Variants in SERINC3 observed in about 807,000 individuals in gnomAD.
SERINC3 encodes serine incorporator 3.
A neutral mutation model predicts 52.1 loss-of-function variants in SERINC3; 22 were observed. That is an observed-to-expected ratio of 0.42 (90% confidence interval 0.30 to 0.60). SERINC3 has a LOEUF of 0.60. Ranked by LOEUF, SERINC3 falls within the 20% of genes least tolerant of loss-of-function variation. The probability of loss-of-function intolerance (pLI) is 0.16; values close to 1 mark genes in which losing one functional copy is unlikely to be tolerated. For synonymous variants in SERINC3, 226 were observed against 212.7 expected, an observed-to-expected ratio of 1.06 and a Z score of -0.54; for missense variants, 564 against 584.6, an observed-to-expected ratio of 0.96 and a Z score of 0.36.
At chr20:44,502,015 T>C (rs2064283002) in intron 8 of SERINC3, among the ~76,000 whole-genome samples, 1 of 152,096 alleles carries the variant, frequency 6.6e-6, no homozygotes, top group Non-Finnish European at 1.5e-5. Flanking sequence ...AACCCAGAGC[T>C]AACATCATAC....
rs749603490 is a variant in SERINC3 at position 44,506,907 on chromosome 20, T to C, written c.703A>G (p.Thr235Ala). Residue 235 changes from threonine (T) to alanine (A), a missense_variant, in exon 6 of 10, where the codon ACA becomes GCA. Coordinates refer to ENST00000342374, the MANE Select transcript of SERINC3 (RefSeq NM_006811.4). ...ATACTGATGAAGAACTTGTTTTCTG[T>C]GCAGCCATCTGGTTTGGTGTAATAT... Reference protein sequence around the residue: ...YTYYTKPDGCTENKFFISINL... With the variant: ...YTYYTKPDGCAENKFFISINL... The C allele has an allele frequency of 4.0e-5, 65 of 1,613,696 alleles. No individual in the cohort carries two copies. The highest frequency in any genetic ancestry group is 6.7e-5 in the Admixed American group (4 of 59,940).
At position 44,506,894 on chromosome 20, in the gene SERINC3, A is replaced by C; in HGVS notation, c.716T>G (p.Phe239Cys). Residue 239 changes from phenylalanine (F) to cysteine (C), a missense_variant, in exon 6 of 10, where the codon TTC (phenylalanine) becomes TGC (cysteine). Coordinates refer to ENST00000342374, the MANE Select transcript of SERINC3 (RefSeq NM_006811.4). ...TKPDGCTENK[F>C]FISINLILCV... ...AAGGATCAGGTTAATACTGATGAAG[A>C]ACTTGTTTTCTGTGCAGCCATCTGG... is the stretch of plus-strand genomic sequence containing the variant. The C allele has an allele frequency of 6.2e-7, 1 of 1,613,798 alleles. No individual in the cohort carries two copies. The highest frequency in any genetic ancestry group is 8.5e-7 in the Non-Finnish European group (1 of 1,179,886).
At chr20:44,511,181 T>G in intron 4 of SERINC3, 108 bp downstream of exon 4, 2 of 753,752 alleles carry the variant, frequency 2.7e-6, no homozygotes, top group South Asian at 1.7e-5. Flanking sequence ...CCCAAAGTGC[T>G]GAGCTTACAG....
At chr20:44,496,893 C>T (rs1159425920), downstream of SERINC3, among the ~76,000 whole-genome samples, 1 of 152,176 alleles carries the variant, frequency 6.6e-6, no homozygotes, top group Non-Finnish European at 1.5e-5. Context: ...TACTGAGAAC[C>T]AGGTCCATGG....
At chr20:44,509,843 G>A (rs539718622) in intron 5 of SERINC3, 48 bp downstream of exon 5, 34 of 1,589,294 alleles carry the variant, frequency 2.1e-5, no homozygotes, top group South Asian at 8.9e-5. Flanking sequence ...ATTGTACACC[G>A]TGCTTAATGT....
At position 44,500,146 on chromosome 20, in the gene SERINC3, T is replaced by C; in HGVS notation, c.*150A>G. On this transcript the variant is annotated 3_prime_UTR_variant, in exon 10 of 10. Coordinates refer to ENST00000342374, the MANE Select transcript of SERINC3 (RefSeq NM_006811.4). ...AGTTTCGATTCTGCATCAAGCATTA[T>C]TCAATCTCACCTTCTGATATAAACC... 3 of 784,522 alleles carry C rather than the reference T, an allele frequency of 3.8e-6. No homozygotes were observed. In the South Asian group the frequency reaches 6.0e-5, roughly 16 times the overall value. The allele number at this position is 784,522 out of a possible 1,614,324, so 48.6% of individuals were successfully genotyped here. A position where few individuals can be genotyped will look rare whatever the true frequency, so the allele number is the denominator to read the frequency against.
Position 44,503,958 on chromosome 20 carries a change from T to TTTAC in SERINC3, c.911_912insGTAA (p.Arg305Ter). 1 of 1,600,224 alleles carries TTTAC rather than the reference T, an allele frequency of 6.2e-7. No homozygotes were observed. The highest frequency in any genetic ancestry group is 8.5e-7 in the Non-Finnish European group (1 of 1,175,940). Reference sequence around the variant, plus strand: ...GAGCCAGGGTTGGTGCAGTTATGCGTGTAATAAAGCTCATCAGGTTGGGAT... The same window carrying TTTAC: ...GAGCCAGGGTTGGTGCAGTTATGCGTTTACGTAATAAAGCTCATCAGGTTGGGAT... On this transcript the variant is annotated stop_gained and frameshift_variant, in exon 8 of 10. Transcript: ENST00000342374. LOFTEE classifies it high-confidence loss of function.
At chr20:44,509,016 AT>A (rs1394539724) in intron 5 of SERINC3, among the ~76,000 whole-genome samples, 3 of 152,278 alleles carry the variant, frequency 2.0e-5, no homozygotes, top group African/African-American at 7.2e-5. Flanking sequence ...TACTGAAAGC[AT>A]TTTAAAATAT....
In SERINC3 at chr20:44,512,222, A is replaced by G. The variant is rs2064351838; in HGVS notation, c.395+579T>C. Among the ~76,000 whole-genome samples the G allele has an allele frequency of 1.3e-5, 2 of 151,522 alleles. 1 individual carries two copies. The highest frequency in any genetic ancestry group is 4.2e-4 in the South Asian group (2 of 4,768). On this transcript the variant is annotated intron_variant, in intron 3 of 9. Coordinates refer to ENST00000342374, the MANE Select transcript of SERINC3 (RefSeq NM_006811.4). ...CAGCTACTAGGGAGGCTGAGGCAGGAGAATCACTTGAACCCGGGAGGGGGA... is the reference window on the plus strand; with the variant it reads ...CAGCTACTAGGGAGGCTGAGGCAGGGGAATCACTTGAACCCGGGAGGGGGA...
In SERINC3 at chr20:44,511,368, C is replaced by T. The variant is rs1267885685; in HGVS notation, c.396G>A (p.Gly132=). 1 of 1,602,938 alleles carries T rather than the reference C, an allele frequency of 6.2e-7. No homozygotes were observed. ...GGGCAGCAATTTTGAAGAACCAAAA[C>T]CTATTAAAATATAAAAATGCATTTA... ...SKDLRAAVHN[G]FWFFKIAALI... The change falls in exon 4 of 10, where the codon GGG becomes GGA. Residue 132 remains glycine (G), a splice_region_variant and synonymous_variant. Transcript: ENST00000342374.
At chr20:44,518,448 G>A (rs2123073780) in intron 1 of SERINC3, among the ~76,000 whole-genome samples, 1 of 151,182 alleles carries the variant, frequency 6.6e-6, no homozygotes, top group African/African-American at 2.4e-5. Flanking sequence ...TCTCTTATCT[G>A]ACTAAAAGCA....
At position 44,513,976 on chromosome 20, in the gene SERINC3, G is replaced by A; in HGVS notation, c.104C>T (p.Ser35Phe). The change falls in exon 2 of 10, where the codon TCC (serine) becomes TTC (phenylalanine). Residue 35 changes from serine to phenylalanine, a missense_variant. By Grantham distance (155) the Ser-to-Phe change is radical. Coordinates refer to ENST00000342374, the MANE Select transcript of SERINC3 (RefSeq NM_006811.4). Reference sequence around the variant, plus strand: ...AGCATAAATGAGGCGAGTCACCGTGGAATTCTTACTGTTAGGACAGCAACT... The same window carrying A: ...AGCATAAATGAGGCGAGTCACCGTGAAATTCTTACTGTTAGGACAGCAACT... ...LCSCCPNSKN[S>F]TVTRLIYAFI... 6.2e-7 allele frequency: 1 copy of A among 1,614,172 alleles called. No individual in the cohort carries two copies.
At chr20:44,520,737 T>G (rs374614552) in intron 1 of SERINC3, among the ~76,000 whole-genome samples, 17 of 152,218 alleles carry the variant, frequency 1.1e-4, no homozygotes, top group African/African-American at 4.1e-4. Flanking sequence ...AAACTGCATA[T>G]GTACCCTCTG....
intron 9 of SERINC3, 43 bp from the exon 10 acceptor site, chr20:44,500,477 C>G: frequency 6.4e-7 from 1 of 1,550,834 alleles, no homozygotes; most frequent in Non-Finnish European, 8.7e-7. Context: ...CCTGGTCTAC[C>G]TGACTTCTAT....
chr20:44,506,562 T>C (rs1398639406), intron 6 of SERINC3, among the ~76,000 whole-genome samples: 1 of 123,684 alleles, frequency 8.1e-6, no homozygotes, highest in Non-Finnish European at 1.6e-5. Context: ...TCCAGCCTGG[T>C]TGACAGAGCG....
rs992550420 is a variant in SERINC3, at chr20:44,514,031, G to A, written c.49C>T (p.Leu17Phe). 1.9e-6 allele frequency: 3 copies of A among 1,613,754 alleles called. No individual in the cohort carries two copies. Among genetic ancestry groups the A allele is most frequent in the South Asian group, 1.1e-5 (1 of 91,038 alleles). Residue 17 changes from leucine to phenylalanine, a missense_variant, in exon 2 of 10, where the codon CTC becomes TTC. Physicochemically the swap from Leu to Phe is conservative, Grantham distance 22 (BLOSUM62 0). Coordinates refer to ENST00000342374, the MANE Select transcript of SERINC3 (RefSeq NM_006811.4). ...VFSLASWVPC[L>F]CSGASCLLCS... ...AGCAAACATGAGGCACCGCTGCAGAGGCATGGAACCTGGAATGAGCACACC... is the reference window on the plus strand; with the variant it reads ...AGCAAACATGAGGCACCGCTGCAGAAGCATGGAACCTGGAATGAGCACACC...
At chr20:44,520,392 C>A (rs2123078977) in intron 1 of SERINC3, among the ~76,000 whole-genome samples, 1 of 152,280 alleles carries the variant, frequency 6.6e-6, no homozygotes, top group Admixed American at 6.5e-5. Context: ...ATCACTTCAT[C>A]TGTATCTTTA....
At chr20:44,516,393 TTTTC>T (rs1382434412) in intron 1 of SERINC3, among the ~76,000 whole-genome samples, 1 of 151,994 alleles carries the variant, frequency 6.6e-6, no homozygotes, top group Non-Finnish European at 1.5e-5. Context: ...TCTTTTTTTC[TTTTC>T]TTTCTTTTTT....
Position 44,521,898 on chromosome 20 carries a change from G to A in SERINC3, c.39+15C>T. ...AAACCGCAGGTCCGGCGAGGACTCG[G>A]GACCCCGAACTCACCCAGCTGGCGA... On this transcript the variant is annotated intron_variant, in intron 1 of 9. Transcript: ENST00000342374. 1.2e-6 allele frequency: 2 copies of A among 1,606,148 alleles called. No homozygotes were observed. The highest frequency in any genetic ancestry group is 1.7e-6 in the Non-Finnish European group (2 of 1,176,766).
Sources: gnomAD v4.1 joint callset for allele counts (sites outside exome capture counted in the v4.1 genomes callset) on GRCh38, gnomAD v4.1.1 for gene constraint, MANE v1.5 for transcripts, NCBI Gene and HGNC (gene_info 2026-07-23, HGNC 2026-07-21) for gene names.